PDP1: variants seen among roughly 807,000 people sequenced by gnomAD.
PDP1 encodes pyruvate dehyrogenase phosphatase catalytic subunit 1.
In PDP1, 14 loss-of-function variants were observed where a neutral mutation model predicts 37.1. The ratio of observed to expected loss-of-function variants is 0.38; its 90% confidence interval spans 0.25 to 0.59. PDP1 has a LOEUF of 0.59. PDP1 is among the 20% of genes least tolerant of loss of function. The pLI is 0.67. For missense variants in PDP1, 544 were observed against 655.3 expected (o/e 0.83, Z 1.85); for synonymous variants, 251 against 243.3 (o/e 1.03, Z -0.29).
chr8:93,921,322 C>G, intron 1 of PDP1: 1 of 985,322 alleles, frequency 1.0e-6, no homozygotes, highest in Non-Finnish European at 1.2e-6. Context: ...CAAATTGCCA[C>G]AGTGGACTAG....
Position 93,923,084 on chromosome 8 carries a change from G to A in PDP1, c.1025G>A (p.Arg342Gln). Residue 342 changes from arginine to glutamine, a missense_variant, in exon 2 of 2, where the codon CGG becomes CAG. Physicochemically the swap from Arg to Gln is conservative, Grantham distance 43. Around this residue, in one of 5 missense-constraint regions of PDP1, gnomAD observed 342 missense variants for 414.0 expected, o/e 0.83. Coordinates refer to ENST00000297598, the MANE Select transcript of PDP1 (RefSeq NM_018444.4). This position sits in a 1 kb window ranked among gnomAD's most constrained non-coding sequence, Gnocchi z 4.3. Reference sequence around the variant, plus strand: ...GCCAAGAGTGTCGTGAAACAGGATCGGCTGCTTGGCTTGCTGATGCCATTT... The same window carrying A: ...GCCAAGAGTGTCGTGAAACAGGATCAGCTGCTTGGCTTGCTGATGCCATTT... ...SEAKSVVKQD[R>Q]LLGLLMPFRA... 1.2e-6 allele frequency: 2 copies of A among 1,614,144 alleles called. No homozygotes were observed. The highest frequency in any genetic ancestry group is 1.7e-6 in the Non-Finnish European group (2 of 1,180,020).
intron 1 of PDP1, chr8:93,917,760 G>T: frequency 6.5e-7 from 1 of 1,542,276 alleles, no homozygotes; most frequent in Non-Finnish European, 8.8e-7. Context: ...CACCGGGCTG[G>T]AGCGAGACCT....
Position 93,916,997 on chromosome 8 carries a change from C to T in PDP1, c.-127C>T, listed in dbSNP as rs756556074. The stretch of plus-strand genomic sequence containing the variant: ...CTCGCGCTCCGGGAGCTGCACGGGG[C>T]TGCGTGGAAAGAGCGCCGAGCGGTG... On this transcript the variant is annotated 5_prime_UTR_variant, in exon 1 of 2. Coordinates refer to ENST00000297598, the MANE Select transcript of PDP1 (RefSeq NM_018444.4). The T allele has an allele frequency of 8.4e-6, 4 of 476,858 alleles. No homozygotes were observed. The highest frequency in any genetic ancestry group is 8.3e-6 in the Non-Finnish European group (2 of 241,010). The allele number at this position is 476,858 out of a possible 1,614,324, so 29.5% of individuals were successfully genotyped here.
intron 1 of PDP1, chr8:93,920,482 T>G: frequency 1.1e-6 from 1 of 912,608 alleles, no homozygotes; most frequent in South Asian, 5.1e-5. Context: ...TGAAGCAGTA[T>G]CTCAAGAATT....
chr8:93,923,335 A>G lies in PDP1; in HGVS notation c.1276A>G (p.Arg426Gly). ...ATDGLWETMH[R>G]QDVVRIVGEY... is the part of the protein sequence containing the mutation. Reference sequence around the variant, plus strand: ...TGATGGGTTGTGGGAGACTATGCATAGGCAGGATGTGGTTAGGATTGTGGG... The same window carrying G: ...TGATGGGTTGTGGGAGACTATGCATGGGCAGGATGTGGTTAGGATTGTGGG... The change falls in exon 2 of 2, where the codon AGG becomes GGG. Residue 426 changes from arginine (R) to glycine (G), a missense_variant. Arg to Gly is a moderately radical substitution (Grantham distance 125, BLOSUM62 -2). Transcript: ENST00000297598. This position sits in a 1 kb window ranked among gnomAD's most constrained non-coding sequence, Gnocchi z 4.3. The G allele has an allele frequency of 6.2e-7, 1 of 1,614,178 alleles. No individual in the cohort carries two copies. Among genetic ancestry groups the G allele is most frequent in the Middle Eastern group, 1.6e-4 (1 of 6,062 alleles).
At chr8:93,921,244 C>G in intron 1 of PDP1, 1 of 976,786 alleles carries the variant, frequency 1.0e-6, no homozygotes, top group Non-Finnish European at 1.2e-6. Flanking sequence ...GAGTGAGACT[C>G]AAAGATGTGA....
At chr8:93,920,434 A>G (rs1810233310) in intron 1 of PDP1, 1 of 522,544 alleles carries the variant, frequency 1.9e-6, no homozygotes, top group African/African-American at 2.1e-5. Flanking sequence ...TATTTAAAGT[A>G]TTTCCAAAGT....
Position 93,916,961 on chromosome 8 carries a change from G to A in PDP1, c.-163G>A, listed in dbSNP as rs749570657. On this transcript the variant is annotated 5_prime_UTR_variant, in exon 1 of 2. Coordinates refer to ENST00000297598, the MANE Select transcript of PDP1 (RefSeq NM_018444.4). ...GGTAGGGGAGCAGAGTGGGCAGGCC[G>A]GGGGTGAGGGCTCGCGCTCCGGGAG... 1.1e-5 allele frequency: 5 copies of A among 454,824 alleles called. No individual in the cohort carries two copies. Among genetic ancestry groups the A allele is most frequent in the Admixed American group, 4.6e-5 (2 of 43,170 alleles). The allele number at this position is 454,824 out of a possible 1,614,324, so 28.2% of individuals were successfully genotyped here.
chr8:93,920,705 C>T (rs1810241423), intron 1 of PDP1: 1 of 933,800 alleles, frequency 1.1e-6, no homozygotes, highest in Non-Finnish European at 1.3e-6. Flanking sequence ...ATACTGCTTC[C>T]CTGGAGCAAG....
intron 1 of PDP1, 180 bp downstream of exon 1, chr8:93,917,259 C>G (rs2130854738): frequency 9.2e-6 from 1 of 109,202 alleles, no homozygotes. Flanking sequence ...GGCGTGGCGG[C>G]GCTGGGGGCC....
intron 1 of PDP1, chr8:93,920,931 G>T (rs937529660): frequency 1.0e-6 from 1 of 981,732 alleles, no homozygotes; most frequent in Non-Finnish European, 1.2e-6. Flanking sequence ...TTCTACTTTG[G>T]ATCCATAGTA....
chr8:93,919,073 C>T, intron 1 of PDP1: 1 of 761,790 alleles, frequency 1.3e-6, no homozygotes, highest in Middle Eastern at 6.5e-4. Flanking sequence ...TTCACTCTCT[C>T]ATTTTTTGTT....
At chr8:93,918,354 G>A (rs1162848855) in intron 1 of PDP1, among the ~76,000 whole-genome samples, 3 of 152,180 alleles carry the variant, frequency 2.0e-5, no homozygotes, top group Admixed American at 2.0e-4. Context: ...TACATCAGAA[G>A]CTTTGCAAAG....
At position 93,922,898 on chromosome 8, in the gene PDP1, A is replaced by T; in HGVS notation, c.839A>T (p.Asp280Val). The T allele has an allele frequency of 1.2e-6, 2 of 1,614,138 alleles. No homozygotes were observed. The highest frequency in any genetic ancestry group is 1.7e-6 in the Non-Finnish European group (2 of 1,180,008). ...GCCACTGCTTGTGTGGCCCATGTGG[A>T]TGGTGTTGACCTTCATGTGGCCAAT... ...SGATACVAHV[D>V]GVDLHVANTG... Residue 280 changes from aspartate (D) to valine (V), a missense_variant, in exon 2 of 2, where the codon GAT becomes GTT. Asp to Val is a radical substitution (Grantham distance 152). Transcript: ENST00000297598. The surrounding 1 kb of genome is among the most constrained non-coding windows in gnomAD (Gnocchi z 4.0).
Position 93,923,486 on chromosome 8 carries a change from A to G in PDP1, c.1427A>G (p.Gln476Arg). The G allele has an allele frequency of 6.2e-7, 1 of 1,603,968 alleles. No individual in the cohort carries two copies. Among genetic ancestry groups the G allele is most frequent in the Non-Finnish European group, 8.5e-7 (1 of 1,172,140 alleles). ...RTKMSSVFED[Q>R]NAATHLIRHA... ...AAAATGTCCTCGGTATTTGAGGATC[A>G]GAACGCAGCAACCCATCTCATTCGC... is the stretch of plus-strand genomic sequence containing the variant. Residue 476 changes from glutamine (Q) to arginine (R), a missense_variant, in exon 2 of 2, where the codon CAG becomes CGG. Physicochemically the swap from Gln to Arg is conservative, Grantham distance 43. Coordinates refer to ENST00000297598, the MANE Select transcript of PDP1 (RefSeq NM_018444.4). This position sits in a 1 kb window ranked among gnomAD's most constrained non-coding sequence, Gnocchi z 4.3.
At chr8:93,917,956 A>C in intron 1 of PDP1, 1 of 1,613,774 alleles carries the variant, frequency 6.2e-7, no homozygotes, top group East Asian at 2.2e-5. Flanking sequence ...GTAGGTATTC[A>C]CTTAACTACC....
chr8:93,923,450 A>G lies in PDP1; in HGVS notation c.1391A>G (p.Glu464Gly). The G allele has an allele frequency of 6.3e-7, 1 of 1,596,856 alleles. No individual in the cohort carries two copies. The highest frequency in any genetic ancestry group is 8.6e-7 in the Non-Finnish European group (1 of 1,169,238). ...GGACAGATGCATGGCCTTTTAACAG[A>G]AAGGAGAACCAAAATGTCCTCGGTA... ...TLGQMHGLLTERRTKMSSVFE... is the reference protein window; with the variant it reads ...TLGQMHGLLTGRRTKMSSVFE... Residue 464 changes from glutamate to glycine, a missense_variant, in exon 2 of 2, where the codon GAA (glutamate) becomes GGA (glycine). By Grantham distance (98) the Glu-to-Gly change is moderately conservative. This residue lies in a region of PDP1 where 159 missense variants were observed against 165.5 expected (regional missense o/e 0.96). Coordinates refer to ENST00000297598, the MANE Select transcript of PDP1 (RefSeq NM_018444.4). The surrounding 1 kb of genome is among the most constrained non-coding windows in gnomAD (Gnocchi z 4.3).
In PDP1 at chr8:93,923,487, G is replaced by A. The variant is rs1298166583; in HGVS notation, c.1428G>A (p.Gln476=). 1 of 1,604,760 alleles carries A rather than the reference G, an allele frequency of 6.2e-7. No homozygotes were observed. The highest frequency in any genetic ancestry group is 1.3e-5 in the African/African-American group (1 of 74,816). ...RTKMSSVFED[Q]NAATHLIRHA... is the part of the protein sequence containing the mutation. ...AAATGTCCTCGGTATTTGAGGATCA[G>A]AACGCAGCAACCCATCTCATTCGCC... is the stretch of plus-strand genomic sequence containing the variant. Residue 476 remains glutamine (Q), a synonymous_variant, in exon 2 of 2, where the codon CAG becomes CAA. Transcript: ENST00000297598. The surrounding 1 kb of genome is among the most constrained non-coding windows in gnomAD (Gnocchi z 4.3).
At chr8:93,918,540 C>T (rs1282761237) in intron 1 of PDP1, among the ~76,000 whole-genome samples, 2 of 152,090 alleles carry the variant, frequency 1.3e-5, no homozygotes, top group Admixed American at 6.5e-5. Context: ...TAGTCATTGG[C>T]AAAATCAGCC....
Sources: allele counts gnomAD v4.1 joint callset (sites outside exome capture counted in the v4.1 genomes callset), GRCh38; gene constraint gnomAD v4.1.1; regional missense constraint gnomAD v4.1.1; non-coding constraint Gnocchi (gnomAD v3.1); transcripts MANE v1.5; gene names NCBI Gene and HGNC (gene_info 2026-07-23, HGNC 2026-07-21).